The following UTP11 variants were observed in gnomAD, a reference collection of about 807,000 sequenced individuals.
UTP11 encodes the protein probable U3 small nucleolar RNA-associated protein 11.
A neutral mutation model predicts 39.0 loss-of-function variants in UTP11; 29 were observed. That is an observed-to-expected ratio of 0.74 (90% CI 0.55 to 1.01). UTP11 has a LOEUF of 1.01. UTP11 is among the 50% of genes least tolerant of loss of function. The probability of loss-of-function intolerance (pLI) is 0.00; values close to 1 mark genes in which losing one functional copy is unlikely to be tolerated. For synonymous variants in UTP11, 111 were observed against 105.0 expected, an observed-to-expected ratio of 1.06 and a Z score of -0.35; for missense variants, 281 against 306.0, an observed-to-expected ratio of 0.92 and a Z score of 0.61.
intron 1 of UTP11, among the ~76,000 whole-genome samples, chr1:38,015,845 G>A (rs893106989): frequency 1.3e-5 from 2 of 152,122 alleles, no homozygotes; most frequent in African/African-American, 2.4e-5. Flanking sequence ...AGTATAACCC[G>A]GAGAAGCAGG....
At position 38,017,782 on chromosome 1, in the gene UTP11, A is replaced by G. The variant is rs563665824; in HGVS notation, c.228+12A>G. On this transcript the variant is annotated intron_variant, in intron 3 of 7. Transcript: ENST00000373014. ...GGGTTAAACTCCAGGTGGGTGCCCA[A>G]TGGCTTGGTTGGTGTTTTGAGCTCC... 2.8e-5 allele frequency: 44 copies of G among 1,598,068 alleles called. 1 individual carries two copies. In the South Asian group the frequency reaches 3.3e-4, roughly 12 times the overall value.
rs1557769154 is a variant in UTP11, at chr1:38,016,339, T to G, written c.64-20T>G. 2.5e-6 allele frequency: 4 copies of G among 1,613,988 alleles called. No individual in the cohort carries two copies. Among genetic ancestry groups the G allele is most frequent in the Non-Finnish European group, 3.4e-6 (4 of 1,179,838 alleles). On this transcript the variant is annotated intron_variant, in intron 1 of 7. Transcript: ENST00000373014. ...TTGCGGAGGAAACTAAGCACTGTTGTTCTTTCTTTTGTCTTCTAGCCTGGC... is the reference window on the plus strand; with the variant it reads ...TTGCGGAGGAAACTAAGCACTGTTGGTCTTTCTTTTGTCTTCTAGCCTGGC...
intron 2 of UTP11, 76 bp downstream of exon 2, chr1:38,016,496 G>A: frequency 6.2e-6 from 9 of 1,459,074 alleles, no homozygotes; most frequent in Non-Finnish European, 8.6e-6. Context: ...AATTGCCTGA[G>A]TGTCCAACAG....
Position 38,022,709 on chromosome 1 carries a change from A to G in UTP11, c.578A>G (p.Lys193Arg). 5.0e-6 allele frequency: 8 copies of G among 1,613,042 alleles called. No homozygotes were observed. Among genetic ancestry groups the G allele is most frequent in the Non-Finnish European group, 5.1e-6 (6 of 1,179,118 alleles). The change falls in exon 7 of 8, where the codon AAA (lysine) becomes AGA (arginine). Residue 193 changes from lysine (K) to arginine (R), a missense_variant. Transcript: ENST00000373014. ...TNQTGLKRIA[K>R]ERQKQYNCLT... ...GTGTTTCTTCTCCAGCGAATAGCTA[A>G]AGAAAGGCAAAAGCAGTATAACTGC...
At chr1:38,022,469 A>G (rs751271759) in intron 6 of UTP11, among the ~76,000 whole-genome samples, 3 of 152,052 alleles carry the variant, frequency 2.0e-5, no homozygotes, top group Non-Finnish European at 4.4e-5. Context: ...AGCCTCCCAA[A>G]GTGCTGGGAT....
chr1:38,014,669 C>T (rs965723199), intron 1 of UTP11, among the ~76,000 whole-genome samples: 14 of 152,134 alleles, frequency 9.2e-5, no homozygotes, highest in Admixed American at 8.5e-4. Flanking sequence ...ATAGTGTCTC[C>T]CTCTGTTGCC....
In UTP11 at chr1:38,017,713, G is replaced by A. The variant is rs144948344; in HGVS notation, c.171G>A (p.Lys57=). 5.6e-6 allele frequency: 9 copies of A among 1,608,656 alleles called. No individual in the cohort carries two copies. The Middle Eastern group carries it at 8.3e-4, about 148-fold the overall frequency. Residue 57 remains lysine, a synonymous_variant, in exon 3 of 8, where the codon AAG becomes AAA. Transcript: ENST00000373014. The part of the protein sequence containing the change: ...KQEYLKALRK[K]ALEKNPDEFY... ...AATACCTCAAAGCTCTTCGGAAGAA[G>A]GCTCTTGAAAAAAATCCAGATGAAT...
rs371093800 is a variant in UTP11, at chr1:38,022,678, ATG to A, written c.568-13_568-12del. On this transcript the variant is annotated intron_variant, in intron 6 of 7. Transcript: ENST00000373014. ...TTGTCCTGTTCATTGTTCACTGAGAATGTGTGTGTTTCTTCTCCAGCGAATAG... is the reference window on the plus strand; with the variant it reads ...TTGTCCTGTTCATTGTTCACTGAGAATGTGTGTTTCTTCTCCAGCGAATAG... 187 of 1,544,964 alleles carry A rather than the reference ATG, an allele frequency of 1.2e-4. No individual in the cohort carries two copies. The African/African-American group carries it at 2.0e-3, about 17-fold the overall frequency.
intron 7 of UTP11, among the ~76,000 whole-genome samples, chr1:38,023,080 G>T (rs1646747639): frequency 6.6e-6 from 1 of 152,194 alleles, no homozygotes; most frequent in East Asian, 1.9e-4. Flanking sequence ...CTTATGAGCA[G>T]CTCCCGTAAC....
At position 38,016,371 on chromosome 1, in the gene UTP11, A is replaced by G; in HGVS notation, c.76A>G (p.Lys26Glu). 6.2e-7 allele frequency: 1 copy of G among 1,614,200 alleles called. No homozygotes were observed. Among genetic ancestry groups the G allele is most frequent in the Non-Finnish European group, 8.5e-7 (1 of 1,180,020 alleles). ...TTTTGTCTTCTAGCCTGGCTTTCGA[A>G]AACATCTGGGCCTGCTGGAGAAAAA... Reference protein sequence around the residue: ...HRERSQPGFRKHLGLLEKKKD... With the variant: ...HRERSQPGFREHLGLLEKKKD... Residue 26 changes from lysine to glutamate, a missense_variant, in exon 2 of 8, where the codon AAA becomes GAA. Transcript: ENST00000373014.
Position 38,018,943 on chromosome 1 carries a change from A to G in UTP11, c.343-116A>G, listed in dbSNP as rs539541594. 4 of 897,214 alleles carry G rather than the reference A, an allele frequency of 4.5e-6. No homozygotes were observed. The African/African-American group carries it at 5.1e-5, about 11-fold the overall frequency. The allele number at this position is 897,214 out of a possible 1,614,324, so 55.6% of individuals were successfully genotyped here. A position where few individuals can be genotyped will look rare whatever the true frequency, so the allele number is the denominator to read the frequency against. ...TCCTTTCCTTTAAAAGAATAAAGCA[A>G]GTTCTTTGCTGGCTGGCAATAATGA... is the stretch of plus-strand genomic sequence containing the variant. On this transcript the variant is annotated intron_variant, in intron 4 of 7. Transcript: ENST00000373014.
In UTP11 at chr1:38,024,134, A is replaced by C. The variant is rs1411169326; in HGVS notation, c.*506A>C. The C allele has an allele frequency of 1.3e-5, 2 of 152,240 alleles. No homozygotes were observed. Among genetic ancestry groups the C allele is most frequent in the African/African-American group, 2.4e-5 (1 of 41,448 alleles). The allele number at this position is 152,240 out of a possible 1,614,324, so 9.4% of individuals were successfully genotyped here. Reference sequence around the variant, plus strand: ...ATTACAGGGATGAGCCACTATGCCCAGCCCATAATTTTTTTTGTTATGAAA... The same window carrying C: ...ATTACAGGGATGAGCCACTATGCCCCGCCCATAATTTTTTTTGTTATGAAA... On this transcript the variant is annotated 3_prime_UTR_variant, in exon 8 of 8. Coordinates refer to ENST00000373014, the MANE Select transcript of UTP11 (RefSeq NM_016037.4).
chr1:38,019,411 T>A lies in UTP11; in HGVS notation c.567+28T>A, dbSNP rs1301179201. On this transcript the variant is annotated intron_variant, in intron 6 of 7. Coordinates refer to ENST00000373014, the MANE Select transcript of UTP11 (RefSeq NM_016037.4). ...AATTTTCTCTGTTGTTCTTCACATGTGAGCTTAGGGGAATCTAGGTGTTTT... is the reference window on the plus strand; with the variant it reads ...AATTTTCTCTGTTGTTCTTCACATGAGAGCTTAGGGGAATCTAGGTGTTTT... 4 of 1,580,324 alleles carry A rather than the reference T, an allele frequency of 2.5e-6. No individual in the cohort carries two copies. In the Admixed American group the frequency reaches 7.2e-5, roughly 28 times the overall value.
At chr1:38,021,915 A>C (rs1646739974) in intron 6 of UTP11, among the ~76,000 whole-genome samples, 2 of 152,178 alleles carry the variant, frequency 1.3e-5, no homozygotes, top group African/African-American at 4.8e-5. Context: ...AAAAGAAGAA[A>C]GATCCCAAAG....
intron 6 of UTP11, among the ~76,000 whole-genome samples, chr1:38,021,344 G>A (rs1646736681): frequency 6.6e-6 from 1 of 152,194 alleles, no homozygotes. Context: ...TGAGAAGTTA[G>A]GGAGGTTTAG....
intron 1 of UTP11, 56 bp from the exon 2 acceptor site, chr1:38,016,303 T>C: frequency 1.3e-6 from 2 of 1,564,068 alleles, no homozygotes. Context: ...CGTGTTGATT[T>C]GGATATGTGT....
intron 6 of UTP11, among the ~76,000 whole-genome samples, chr1:38,021,560 T>A (rs1646737667): frequency 6.6e-6 from 1 of 152,212 alleles, no homozygotes; most frequent in Non-Finnish European, 1.5e-5. Flanking sequence ...TATATGTGCT[T>A]GCACAACCTT....
chr1:38,018,406 A>G (rs1646717905), intron 3 of UTP11, 58 bp from the exon 4 acceptor site: 1 of 1,364,306 alleles, frequency 7.3e-7, no homozygotes, highest in Non-Finnish European at 1.0e-6. Context: ...CACTGTGCCA[A>G]CAACTTATTA....
At chr1:38,021,546 T>A (rs1280930806) in intron 6 of UTP11, among the ~76,000 whole-genome samples, 1 of 152,242 alleles carries the variant, frequency 6.6e-6, no homozygotes, top group Non-Finnish European at 1.5e-5. Flanking sequence ...TTTGTGCAGA[T>A]AGGTATATGT....
Sources: allele counts gnomAD v4.1 joint callset (sites outside exome capture counted in the v4.1 genomes callset), GRCh38; gene constraint gnomAD v4.1.1; transcripts MANE v1.5; gene names NCBI Gene and HGNC (gene_info 2026-07-23, HGNC 2026-07-21).